FGF14: variants seen among roughly 807,000 people sequenced by gnomAD.
FGF14 encodes the protein fibroblast growth factor homologous factor 4.
In FGF14, 5 loss-of-function variants were observed where a neutral mutation model predicts 25.5. That is an observed-to-expected ratio of 0.20 (90% CI 0.10 to 0.41). The LOEUF (loss-of-function observed/expected upper bound fraction) is 0.41, where lower values mean the gene tolerates loss of function less well. Among genes scored for constraint, FGF14 ranks in the 10% least tolerant of loss-of-function variants. The pLI, the probability that FGF14 is intolerant of heterozygous loss-of-function variation, is 1.00. For synonymous variants in FGF14, 138 were observed against 118.3 expected (o/e 1.17, Z -1.08); for missense variants, 222 against 320.1 (o/e 0.69, Z 2.34).
intron 1 of FGF14, among the ~76,000 whole-genome samples, chr13:101,983,295 T>C (rs768057717): frequency 1.3e-5 from 2 of 152,316 alleles, no homozygotes; most frequent in East Asian, 3.9e-4. Flanking sequence ...ATTCTATATT[T>C]TATATCAGAA....
intron 1 of FGF14, among the ~76,000 whole-genome samples, chr13:102,357,438 T>A (rs2057450830): frequency 6.6e-6 from 1 of 152,112 alleles, no homozygotes; most frequent in African/African-American, 2.4e-5. Context: ...AATAACAGAA[T>A]AAGAACTCCA....
intron 3 of FGF14, among the ~76,000 whole-genome samples, chr13:101,790,203 C>CT (rs1486902155): frequency 1.9e-4 from 27 of 143,188 alleles, no homozygotes; most frequent in Admixed American, 1.0e-3. Context: ...ATAGTAACTT[C>CT]TTTTTACTCT....
intron 1 of FGF14, among the ~76,000 whole-genome samples, chr13:102,274,949 G>A (rs751507518): frequency 6.7e-5 from 10 of 150,038 alleles, no homozygotes; most frequent in South Asian, 2.1e-4. Flanking sequence ...CATTTTACTC[G>A]TAATAGCATT....
intron 1 of FGF14, among the ~76,000 whole-genome samples, chr13:102,148,840 AATCCACACTCATTGGTT>A (rs548886336): frequency 4.9e-4 from 74 of 152,278 alleles, no homozygotes; most frequent in African/African-American, 1.4e-3. Flanking sequence ...ATTTGAAAAA[AATCCACACTCATTGGTT>A]ATCTGGACTG....
At chr13:102,256,148 T>C (rs1468216868) in intron 1 of FGF14, among the ~76,000 whole-genome samples, 1 of 151,616 alleles carries the variant, frequency 6.6e-6, no homozygotes, top group Admixed American at 6.6e-5. Flanking sequence ...ATGGTATGAG[T>C]TGATGGAAGA....
intron 1 of FGF14, among the ~76,000 whole-genome samples, chr13:102,333,997 G>C (rs893295612): frequency 6.6e-6 from 1 of 152,070 alleles, no homozygotes; most frequent in Non-Finnish European, 1.5e-5. Context: ...CTGCCTGCTT[G>C]GCATGCCTGG....
At chr13:102,043,556 C>T (rs1039694091) in intron 1 of FGF14, among the ~76,000 whole-genome samples, 2 of 152,092 alleles carry the variant, frequency 1.3e-5, no homozygotes, top group African/African-American at 4.8e-5. Flanking sequence ...TGGGGTATAA[C>T]TCTAAAGGCA....
intron 1 of FGF14, among the ~76,000 whole-genome samples, chr13:102,319,600 C>A (rs959890799): frequency 1.3e-5 from 2 of 152,228 alleles, no homozygotes; most frequent in Non-Finnish European, 2.9e-5. Context: ...GGAGCCGAAC[C>A]AGCTGCGATG....
chr13:102,227,337 C>T (rs999017340), intron 1 of FGF14, among the ~76,000 whole-genome samples: 1 of 152,092 alleles, frequency 6.6e-6, no homozygotes, highest in Non-Finnish European at 1.5e-5. Context: ...CCATGCAATG[C>T]TTAAATGTCT....
Position 101,806,714 on chromosome 13 carries a change from T to G in FGF14, c.408+62011A>C, listed in dbSNP as rs145824316. ...TCCTGAAAATGTTATTTAATTTGCCTGTATCAAAGTATTAAAAATAAAACT... is the reference window on the plus strand; with the variant it reads ...TCCTGAAAATGTTATTTAATTTGCCGGTATCAAAGTATTAAAAATAAAACT... On this transcript the variant is annotated intron_variant, in intron 3 of 4. Transcript: ENST00000376143. Among the ~76,000 whole-genome samples the G allele has an allele frequency of 5.6e-3, 852 of 152,270 alleles. 6 individuals are homozygous for G. Among genetic ancestry groups the G allele is most frequent in the African/African-American group, 0.019 (778 of 41,580 alleles).
chr13:102,181,927 C>A (rs2048691004), intron 1 of FGF14, among the ~76,000 whole-genome samples: 1 of 152,176 alleles, frequency 6.6e-6, no homozygotes, highest in Non-Finnish European at 1.5e-5. Context: ...TACTCAGAAC[C>A]TCACAGGGAG....
chr13:101,968,541 C>T (rs774274853), intron 1 of FGF14, among the ~76,000 whole-genome samples: 32 of 151,950 alleles, frequency 2.1e-4, no homozygotes, highest in Non-Finnish European at 4.1e-4. Flanking sequence ...GGCGTGGTGG[C>T]AGGCGCCTGC....
At chr13:101,761,191 A>G (rs1369775498) in intron 3 of FGF14, among the ~76,000 whole-genome samples, 1 of 152,208 alleles carries the variant, frequency 6.6e-6, no homozygotes, top group Non-Finnish European at 1.5e-5. Context: ...TACATGTAAA[A>G]ATAACTTTTA....
At chr13:102,276,305 A>G (rs1165467205) in intron 1 of FGF14, among the ~76,000 whole-genome samples, 1 of 90,032 alleles carries the variant, frequency 1.1e-5, no homozygotes, top group Non-Finnish European at 2.2e-5. Flanking sequence ...AAATACACAC[A>G]CACACACACA....
chr13:102,148,115 C>CA (rs1566744935), intron 1 of FGF14, among the ~76,000 whole-genome samples: 3 of 151,992 alleles, frequency 2.0e-5, no homozygotes, highest in African/African-American at 7.3e-5. Flanking sequence ...GTCCCTGCAT[C>CA]GAAAATGAAA....
chr13:102,283,500 C>T (rs1297296625), intron 1 of FGF14, among the ~76,000 whole-genome samples: 1 of 152,176 alleles, frequency 6.6e-6, no homozygotes, highest in Admixed American at 6.6e-5. Flanking sequence ...GTTTTACCAG[C>T]AATATCTAAC....
chr13:101,731,945 G>T (rs1257246471), intron 3 of FGF14, among the ~76,000 whole-genome samples: 1 of 152,110 alleles, frequency 6.6e-6, no homozygotes. Flanking sequence ...TTTACTATAT[G>T]GTCCTTTGCC....
chr13:101,851,511 A>C (rs1566314031), intron 3 of FGF14, among the ~76,000 whole-genome samples: 1 of 152,098 alleles, frequency 6.6e-6, no homozygotes, highest in Non-Finnish European at 1.5e-5. Context: ...ACTTGCATTT[A>C]AGCAATGTAC....
At chr13:102,328,421 T>C (rs561699986) in intron 1 of FGF14, among the ~76,000 whole-genome samples, 3 of 152,358 alleles carry the variant, frequency 2.0e-5, no homozygotes, top group Non-Finnish European at 4.4e-5. Flanking sequence ...TCCATATTTC[T>C]AGAAAAACTG....
Sources: gnomAD v4.1 joint callset for allele counts (sites outside exome capture counted in the v4.1 genomes callset) on GRCh38, gnomAD v4.1.1 for gene constraint, MANE v1.5 for transcripts, NCBI Gene and HGNC (gene_info 2026-07-23, HGNC 2026-07-21) for gene names.